Variants in MYRIP observed in about 807,000 individuals in gnomAD.
MYRIP encodes the protein rab effector MyRIP.
A neutral mutation model predicts 98.0 loss-of-function variants in MYRIP; 49 were observed. The observed-to-expected ratio is 0.50, with a 90% CI of 0.40 to 0.63. The LOEUF is 0.63. Ranked by LOEUF, MYRIP falls within the 30% of genes least tolerant of loss-of-function variation. The pLI is 0.00. For synonymous variants in MYRIP, 404 were observed against 409.5 expected, an observed-to-expected ratio of 0.99 and a Z score of 0.16; for missense variants, 1,004 against 1,058.2, an observed-to-expected ratio of 0.95 and a Z score of 0.71.
intron 2 of MYRIP, among the ~76,000 whole-genome samples, chr3:39,986,428 C>G (rs1043256961): frequency 6.7e-6 from 1 of 150,024 alleles, no homozygotes; most frequent in East Asian, 1.9e-4. Context: ...CACTCCCTCT[C>G]TGTCTCTTTC....
chr3:39,988,305 T>C (rs1333859766), intron 2 of MYRIP, among the ~76,000 whole-genome samples: 2 of 141,826 alleles, frequency 1.4e-5, no homozygotes, highest in Non-Finnish European at 2.9e-5. Context: ...AAACTTAAAG[T>C]ATAATGATAA....
chr3:40,057,114 C>A (rs1167433955), intron 3 of MYRIP, among the ~76,000 whole-genome samples: 1 of 152,080 alleles, frequency 6.6e-6, no homozygotes, highest in African/African-American at 2.4e-5. Flanking sequence ...TGGAATGAAA[C>A]TCAACACCCC....
chr3:40,093,004 T>A (rs925184014), intron 3 of MYRIP, among the ~76,000 whole-genome samples: 12 of 152,178 alleles, frequency 7.9e-5, no homozygotes, highest in Non-Finnish European at 1.3e-4. Context: ...AGCTGAAGCC[T>A]AGGCCTGGTA....
intron 2 of MYRIP, among the ~76,000 whole-genome samples, chr3:39,997,233 A>G (rs1250831020): frequency 6.6e-6 from 1 of 152,202 alleles, no homozygotes; most frequent in Non-Finnish European, 1.5e-5. Context: ...CAAAAAATCA[A>G]TGAATCTAGG....
chr3:40,060,790 A>G (rs1223968012), intron 3 of MYRIP, among the ~76,000 whole-genome samples: 1 of 151,982 alleles, frequency 6.6e-6, no homozygotes, highest in Non-Finnish European at 1.5e-5. Flanking sequence ...ACGGGGTTTC[A>G]TTATGTTGGC....
At chr3:39,841,065 G>A (rs1463033597) in intron 1 of MYRIP, among the ~76,000 whole-genome samples, 7 of 152,072 alleles carry the variant, frequency 4.6e-5, no homozygotes, top group East Asian at 3.8e-4. Context: ...TTTCCAACTC[G>A]GTTCCATTTT....
At chr3:40,239,238 C>A (rs1472114042) in intron 12 of MYRIP, among the ~76,000 whole-genome samples, 1 of 151,448 alleles carries the variant, frequency 6.6e-6, no homozygotes, top group Non-Finnish European at 1.5e-5. Context: ...GACATGAACT[C>A]ATCATTTTTT....
At chr3:40,099,778 G>A (rs1408785186) in intron 3 of MYRIP, among the ~76,000 whole-genome samples, 1 of 152,188 alleles carries the variant, frequency 6.6e-6, no homozygotes, top group African/African-American at 2.4e-5. Context: ...GAAAGCACAT[G>A]ATAAAACCAT....
At chr3:40,061,873 G>A (rs548141475) in intron 3 of MYRIP, among the ~76,000 whole-genome samples, 171 of 152,220 alleles carry the variant, frequency 1.1e-3, no homozygotes, top group Admixed American at 2.2e-3. Context: ...TTTTTCAGAT[G>A]CTTGTTGACC....
chr3:40,172,602 G>A (rs921391061), intron 8 of MYRIP, among the ~76,000 whole-genome samples: 6 of 152,140 alleles, frequency 3.9e-5, no homozygotes, highest in African/African-American at 1.4e-4. Flanking sequence ...GTATCTTCAA[G>A]GTATCCCCTG....
chr3:40,106,074 A>G (rs1949044695), intron 3 of MYRIP, among the ~76,000 whole-genome samples: 1 of 152,172 alleles, frequency 6.6e-6, no homozygotes, highest in South Asian at 2.1e-4. Flanking sequence ...TTACAACTGA[A>G]CAGGAGATTT....
intron 1 of MYRIP, among the ~76,000 whole-genome samples, chr3:39,881,922 G>C (rs948054600): frequency 1.3e-5 from 2 of 151,534 alleles, no homozygotes; most frequent in African/African-American, 2.4e-5. Flanking sequence ...CTTCGTCCCT[G>C]AGCATTTTTT....
At chr3:40,129,473 A>AAAAAAAAAAAAAAAAAAAAAAAAAAC (rs1559412591) in intron 3 of MYRIP, among the ~76,000 whole-genome samples, 1 of 133,194 alleles carries the variant, frequency 7.5e-6, no homozygotes. Context: ...AAAAAAAAAA[A>AAAAAAAAAAAAAAAAAAAAAAAAAAC]AAATCATGCC....
chr3:40,189,726 G>A (rs990048299), intron 9 of MYRIP, 100 bp from the exon 10 acceptor site: 1 of 1,295,006 alleles, frequency 7.7e-7, no homozygotes, highest in Non-Finnish European at 1.1e-6. Flanking sequence ...CTCTCCAACA[G>A]CCCCACAAGC....
chr3:39,810,267 G>C (rs1940628122), intron 1 of MYRIP, among the ~76,000 whole-genome samples: 1 of 152,186 alleles, frequency 6.6e-6, no homozygotes, highest in Admixed American at 6.5e-5. Context: ...ACTGTGCTGC[G>C]GGCGCACCGG....
intron 3 of MYRIP, among the ~76,000 whole-genome samples, chr3:40,117,117 C>T (rs1277937489): frequency 2.0e-5 from 3 of 152,188 alleles, no homozygotes; most frequent in East Asian, 1.9e-4. Context: ...TCAATCCCCC[C>T]GCCCTGATAT....
At chr3:40,155,420 T>C (rs1950209304) in intron 4 of MYRIP, among the ~76,000 whole-genome samples, 1 of 151,938 alleles carries the variant, frequency 6.6e-6, no homozygotes, top group Non-Finnish European at 1.5e-5. Context: ...GTTCCAAGTC[T>C]TTGCTATTGT....
chr3:39,912,914 C>A (rs1944058355), intron 2 of MYRIP, among the ~76,000 whole-genome samples: 1 of 152,150 alleles, frequency 6.6e-6, no homozygotes, highest in Admixed American at 6.5e-5. Context: ...GTGGCATGCA[C>A]CTGTGATTCC....
intron 2 of MYRIP, among the ~76,000 whole-genome samples, chr3:39,934,919 G>A (rs1189766186): frequency 1.3e-5 from 2 of 152,174 alleles, no homozygotes; most frequent in African/African-American, 4.8e-5. Context: ...GTCCCACACT[G>A]TGTTTCCCTC....
Sources: allele counts gnomAD v4.1 joint callset (sites outside exome capture counted in the v4.1 genomes callset), GRCh38; gene constraint gnomAD v4.1.1; transcripts MANE v1.5; gene names NCBI Gene and HGNC (gene_info 2026-07-23, HGNC 2026-07-21).